The following APTX variants were observed in gnomAD, a reference collection of about 807,000 sequenced individuals.
APTX encodes the protein aprataxin.
A neutral mutation model predicts 42.3 loss-of-function variants in APTX; 33 were observed. The ratio of observed to expected loss-of-function variants is 0.78; its 90% confidence interval spans 0.59 to 1.04. APTX has a LOEUF of 1.04. APTX is among the 50% of genes least tolerant of loss of function. APTX has a pLI of 0.00. For missense variants in APTX, 421 were observed against 415.1 expected, an observed-to-expected ratio of 1.01 and a Z score of -0.12; for synonymous variants, 130 against 146.7, an observed-to-expected ratio of 0.89 and a Z score of 0.82.
At position 32,987,764 on chromosome 9, in the gene APTX, T is replaced by A. The variant is rs949154771; in HGVS notation, c.263A>T (p.His88Leu). ...EVKLQPGQVL[H>L]MVNELYPYIV... ...ATATGGATAAAGTTCATTCACCATG[T>A]GGAGAACCTGGCCAGGCTGCAGCTT... The change falls in exon 4 of 8, where the codon CAC becomes CTC. Residue 88 changes from histidine to leucine, a missense_variant. His to Leu is a moderately conservative substitution (Grantham distance 99). Coordinates refer to ENST00000379817, the MANE Select transcript of APTX (RefSeq NM_001195248.2). The A allele has an allele frequency of 3.7e-6, 6 of 1,614,102 alleles. No individual in the cohort carries two copies. The highest frequency in any genetic ancestry group is 5.1e-6 in the Non-Finnish European group (6 of 1,180,044).
At position 33,018,173 on chromosome 9, in the gene APTX, C is replaced by T. The variant is rs577462596; in HGVS notation, c.-5+6850G>A. 9.8e-4 allele frequency among the ~76,000 whole-genome samples: 147 copies of T among 150,646 alleles called. 1 individual carries two copies. Among genetic ancestry groups the T allele is most frequent in the Admixed American group, 1.7e-3 (26 of 15,156 alleles). On this transcript the variant is annotated intron_variant, in intron 1 of 6. Coordinates refer to the APTX transcript ENST00000436040. ...TCACCCAGGCTGGAGCGCGGTGGCA[C>T]GATCTCAGCTTACTGCAACCTCTGC...
chr9:32,972,735 T>C lies in APTX; in HGVS notation c.*763A>G, dbSNP rs1261537891. ...GCTGTGATTGTTAGCTGAACTTCAA[T>C]AGTTTCCACCTACTTAAGAGAGATG... On this transcript the variant is annotated 3_prime_UTR_variant, in exon 8 of 8. Coordinates refer to ENST00000379817, the MANE Select transcript of APTX (RefSeq NM_001195248.2). 4.4e-6 allele frequency: 2 copies of C among 454,140 alleles called. No homozygotes were observed. Among genetic ancestry groups the C allele is most frequent in the Admixed American group, 4.7e-5 (2 of 42,572 alleles). The allele number at this position is 454,140 out of a possible 1,614,324, so 28.1% of individuals were successfully genotyped here.
chr9:33,007,476 G>A lies in APTX; in HGVS notation c.-5+17547C>T, dbSNP rs887846493. On this transcript the variant is annotated intron_variant, in intron 1 of 6. Coordinates refer to the APTX transcript ENST00000436040. Reference sequence around the variant, plus strand: ...AGTTTACTGATGCAGTGCAAAGGACGTTGGCAGCCTGAACGAAGGGACAGA... The same window carrying A: ...AGTTTACTGATGCAGTGCAAAGGACATTGGCAGCCTGAACGAAGGGACAGA... Among the ~76,000 whole-genome samples the A allele has an allele frequency of 3.3e-5, 5 of 152,182 alleles. No homozygotes were observed. In the South Asian group the frequency reaches 6.2e-4, roughly 19 times the overall value.
At chr9:33,016,669 T>TG (rs537070595) in intron 1 of APTX, among the ~76,000 whole-genome samples, 240 of 147,738 alleles carry the variant, frequency 1.6e-3, no homozygotes, top group Middle Eastern at 6.9e-3. Context: ...TGCATTACAC[T>TG]CCCCCCCCCA....
At chr9:33,010,347 T>C (rs1019992699) in intron 1 of APTX, among the ~76,000 whole-genome samples, 3 of 152,198 alleles carry the variant, frequency 2.0e-5, no homozygotes, top group Admixed American at 6.5e-5. Flanking sequence ...GGCGCATTCA[T>C]TCATTCATTC....
At chr9:33,003,444 G>C (rs1281951951), upstream of APTX, among the ~76,000 whole-genome samples, 1 of 152,132 alleles carries the variant, frequency 6.6e-6, no homozygotes, top group Non-Finnish European at 1.5e-5. Flanking sequence ...ACTTTGGGAG[G>C]CCAACGCAGG....
In APTX at chr9:32,974,572, GA is replaced by G. The variant is rs34600530; in HGVS notation, c.771-12del. On this transcript the variant is annotated splice_polypyrimidine_tract_variant and intron_variant, in intron 6 of 7. Transcript: ENST00000379817. ...TGAAGATGTACATGGCTAGTTGAAA[GA>G]AAAAAAAACTGAGCATTAAACTCTT... The G allele has an allele frequency of 7.3e-6, 10 of 1,369,048 alleles. No individual in the cohort carries two copies. Among genetic ancestry groups the G allele is most frequent in the South Asian group, 1.2e-5 (1 of 82,560 alleles). The allele number at this position is 1,369,048 out of a possible 1,614,324, so 84.8% of individuals were successfully genotyped here. A position where few individuals can be genotyped will look rare whatever the true frequency, so the allele number is the denominator to read the frequency against.
intron 1 of APTX, among the ~76,000 whole-genome samples, chr9:33,023,793 T>C (rs1200091745): frequency 1.3e-5 from 2 of 152,226 alleles, no homozygotes; most frequent in Non-Finnish European, 2.9e-5. Flanking sequence ...AGCATGAGGA[T>C]GCTTCCAAGG....
upstream of APTX, among the ~76,000 whole-genome samples, chr9:33,005,854 T>C (rs908348185): frequency 1.3e-5 from 2 of 152,232 alleles, no homozygotes; most frequent in African/African-American, 2.4e-5. Flanking sequence ...CTGAATGGTA[T>C]TGACATACTT....
chr9:32,973,710 C>CCA, intron 7 of APTX, 58 bp from the exon 8 acceptor site: 1 of 1,296,420 alleles, frequency 7.7e-7, no homozygotes, highest in Non-Finnish European at 1.0e-6. Context: ...ATATGAGATA[C>CCA]CAAAAAAAAA....
At chr9:33,022,452 C>A (rs1838462952) in intron 1 of APTX, among the ~76,000 whole-genome samples, 1 of 152,220 alleles carries the variant, frequency 6.6e-6, no homozygotes, top group Non-Finnish European at 1.5e-5. Flanking sequence ...CAGTTACAAA[C>A]CAGTATGGAA....
intron 1 of APTX, among the ~76,000 whole-genome samples, chr9:32,996,588 G>A (rs748112514): frequency 6.6e-6 from 1 of 152,014 alleles, no homozygotes; most frequent in Non-Finnish European, 1.5e-5. Context: ...TCTTAATATG[G>A]TCTCCTGGTA....
At chr9:33,001,690 G>A, upstream of APTX, 2 of 1,550,796 alleles carry the variant, frequency 1.3e-6, no homozygotes, top group Non-Finnish European at 1.8e-6. Flanking sequence ...CCTCTCTAAC[G>A]GATTGGCTGA....
chr9:32,995,302 A>G (rs1394507574), intron 1 of APTX, among the ~76,000 whole-genome samples: 2 of 152,252 alleles, frequency 1.3e-5, no homozygotes, highest in Non-Finnish European at 2.9e-5. Context: ...GAACATCTGT[A>G]ATTTATGGGA....
chr9:33,017,149 C>T (rs1245216211), intron 1 of APTX, among the ~76,000 whole-genome samples: 1 of 152,162 alleles, frequency 6.6e-6, no homozygotes, highest in African/African-American at 2.4e-5. Context: ...AGTGTGGACA[C>T]TAATTATCCA....
upstream of APTX, among the ~76,000 whole-genome samples, chr9:33,005,612 T>A (rs1837082603): frequency 6.6e-6 from 1 of 151,886 alleles, no homozygotes; most frequent in Admixed American, 6.6e-5. Context: ...AATTTTTTTT[T>A]TAATAGAGAC....
chr9:33,003,006 C>T (rs1029809504), upstream of APTX, among the ~76,000 whole-genome samples: 2 of 152,130 alleles, frequency 1.3e-5, no homozygotes, highest in Admixed American at 6.5e-5. Flanking sequence ...ATCTCAGCAG[C>T]CACACAGGCC....
intron 1 of APTX, among the ~76,000 whole-genome samples, chr9:33,016,691 T>A (rs10971324): frequency 0.072 from 10,719 of 149,588 alleles, 517 homozygotes; most frequent in Non-Finnish European, 0.11. Context: ...TTTTTTAGAA[T>A]TAAAAAAAGC....
chr9:32,982,431 T>C (rs1369903041), intron 6 of APTX, among the ~76,000 whole-genome samples: 4 of 152,218 alleles, frequency 2.6e-5, no homozygotes, highest in African/African-American at 9.6e-5. Context: ...ATAAGGTCTA[T>C]AGTTTAGTTA....
Sources: gnomAD v4.1 joint callset for allele counts (sites outside exome capture counted in the v4.1 genomes callset) on GRCh38, gnomAD v4.1.1 for gene constraint, MANE v1.5 for transcripts, NCBI Gene and HGNC (gene_info 2026-07-23, HGNC 2026-07-21) for gene names.